Variants in WDFY1 observed in about 807,000 individuals in gnomAD.
The protein encoded by WDFY1 is WD repeat and FYVE domain containing 1, also known as WD repeat and FYVE domain-containing protein 1.
WDFY1 carries 32 observed loss-of-function variants against 56.4 expected under a neutral mutation model. The ratio of observed to expected loss-of-function variants is 0.57; its 90% CI spans 0.43 to 0.76. The LOEUF is 0.76. Among genes scored for constraint, WDFY1 ranks in the 30% least tolerant of loss-of-function variants. The pLI is 0.00. For synonymous variants in WDFY1, 192 were observed against 197.3 expected, an observed-to-expected ratio of 0.97 and a Z score of 0.23; for missense variants, 480 against 545.7, an observed-to-expected ratio of 0.88 and a Z score of 1.20.
At chr2:223,925,983 G>A (rs1350465645) in intron 1 of WDFY1, among the ~76,000 whole-genome samples, 1 of 152,098 alleles carries the variant, frequency 6.6e-6, no homozygotes, top group Non-Finnish European at 1.5e-5. Flanking sequence ...CATGAGGGCT[G>A]GAATCAACTT....
At chr2:223,938,736 C>T (rs1248664079) in intron 1 of WDFY1, among the ~76,000 whole-genome samples, 1 of 152,018 alleles carries the variant, frequency 6.6e-6, no homozygotes, top group Non-Finnish European at 1.5e-5. Context: ...GGAGTGCTGA[C>T]CGTATCTAGC....
At chr2:223,918,616 G>C (rs1316887257) in intron 1 of WDFY1, among the ~76,000 whole-genome samples, 1 of 140,180 alleles carries the variant, frequency 7.1e-6, no homozygotes, top group Admixed American at 7.4e-5. Context: ...GGGCTACAGA[G>C]TGAGACTCTG....
intron 1 of WDFY1, among the ~76,000 whole-genome samples, chr2:223,933,640 C>T (rs150411623): frequency 6.0e-4 from 91 of 151,670 alleles, no homozygotes; most frequent in Non-Finnish European, 1.1e-3. Flanking sequence ...GGCAACATAC[C>T]AATACCCTGT....
chr2:223,925,365 A>C (rs552615416), intron 1 of WDFY1, among the ~76,000 whole-genome samples: 1 of 152,338 alleles, frequency 6.6e-6, no homozygotes, highest in East Asian at 1.9e-4. Flanking sequence ...ATAGTCTGTT[A>C]AGTGTGCAGT....
Position 223,876,726 on chromosome 2 carries a change from G to C in WDFY1, c.*1945C>G, listed in dbSNP as rs1692979445. ...GTGATATTCCGTTCAATCTACCACA[G>C]ATGTCAAACGGTCACATTTTACAGA... On this transcript the variant is annotated 3_prime_UTR_variant, in exon 12 of 12. Coordinates refer to ENST00000233055, the MANE Select transcript of WDFY1 (RefSeq NM_020830.5). The C allele has an allele frequency of 6.6e-6, 1 of 152,290 alleles. No individual in the cohort carries two copies. Among genetic ancestry groups the C allele is most frequent in the East Asian group, 1.9e-4 (1 of 5,184 alleles). The allele number at this position is 152,290 out of a possible 1,614,324, so 9.4% of individuals were successfully genotyped here.
At chr2:223,942,239 A>G (rs1038798119) in intron 1 of WDFY1, among the ~76,000 whole-genome samples, 1 of 149,136 alleles carries the variant, frequency 6.7e-6, no homozygotes, top group African/African-American at 2.5e-5. Context: ...TTTTTTTTTG[A>G]TACGGAGTCT....
chr2:223,895,521 C>T lies in WDFY1; in HGVS notation c.708G>A (p.Leu236=). 1 of 1,614,014 alleles carries T rather than the reference C, an allele frequency of 6.2e-7. No homozygotes were observed. The highest frequency in any genetic ancestry group is 8.5e-7 in the Non-Finnish European group (1 of 1,179,952). The part of the protein sequence containing the change: ...WDIGGRKGRT[L]LLQGHHDKVQ... ...TCACGCACTGATGGCCCTGAAGTAACAGCGTCCGGCCTTTCCTTCCTCCGA... is the reference window on the plus strand; with the variant it reads ...TCACGCACTGATGGCCCTGAAGTAATAGCGTCCGGCCTTTCCTTCCTCCGA... Residue 236 remains leucine (L), a synonymous_variant, in exon 7 of 12, where the codon CTG becomes CTA. Transcript: ENST00000233055.
intron 8 of WDFY1, among the ~76,000 whole-genome samples, 197 bp from the exon 9 acceptor site, chr2:223,884,946 A>C (rs1157529636): frequency 2.7e-5 from 4 of 145,780 alleles, no homozygotes; most frequent in Non-Finnish European, 6.0e-5. Flanking sequence ...GATTCAAGTG[A>C]CTCTCCTGCC....
rs1359438241 is a variant in WDFY1, at chr2:223,877,497, T to G, written c.*1174A>C. ...TATTAAAAGACAGGCTCCTCATTTC[T>G]TCTCTTCCTCATCCTGGTACACAGT... On this transcript the variant is annotated 3_prime_UTR_variant, in exon 12 of 12. Transcript: ENST00000233055. The G allele has an allele frequency of 6.6e-6, 1 of 152,208 alleles. No individual in the cohort carries two copies. The highest frequency in any genetic ancestry group is 1.9e-4 in the East Asian group (1 of 5,198). The allele number at this position is 152,208 out of a possible 1,614,324, so 9.4% of individuals were successfully genotyped here.
intron 8 of WDFY1, among the ~76,000 whole-genome samples, chr2:223,888,531 A>C (rs1693209432): frequency 6.6e-6 from 1 of 151,916 alleles, no homozygotes; most frequent in East Asian, 1.9e-4. Flanking sequence ...CAAGTGATTC[A>C]ATTTCAAGCA....
intron 2 of WDFY1, among the ~76,000 whole-genome samples, chr2:223,913,783 C>A (rs1192866250): frequency 1.3e-5 from 2 of 151,730 alleles, no homozygotes; most frequent in African/African-American, 4.8e-5. Flanking sequence ...GTAAAAATTA[C>A]AAAGTGCTGG....
intron 1 of WDFY1, 94 bp from the exon 2 acceptor site, chr2:223,918,104 T>C: frequency 1.5e-6 from 2 of 1,343,350 alleles, no homozygotes; most frequent in Admixed American, 2.2e-5. Flanking sequence ...TGTTTAACAC[T>C]ATTTCCTAAC....
chr2:223,945,307 C>A lies in WDFY1; in HGVS notation c.-23G>T, dbSNP rs369823188. Reference sequence around the variant, plus strand: ...CATGTTCGCGCGGCGACTGCTGCGGCCTCCTCGGCAGGCAGCCCATCAGCT... The same window carrying A: ...CATGTTCGCGCGGCGACTGCTGCGGACTCCTCGGCAGGCAGCCCATCAGCT... On this transcript the variant is annotated 5_prime_UTR_variant, in exon 1 of 12. Transcript: ENST00000233055. The A allele has an allele frequency of 1.8e-5, 28 of 1,555,336 alleles. No homozygotes were observed. The highest frequency in any genetic ancestry group is 2.3e-5 in the Non-Finnish European group (27 of 1,159,198).
intron 1 of WDFY1, among the ~76,000 whole-genome samples, chr2:223,918,408 C>A (rs1574774250): frequency 6.6e-6 from 1 of 152,054 alleles, no homozygotes; most frequent in African/African-American, 2.4e-5. Context: ...GCAGGCGGAT[C>A]ACGAGGTCAG....
intron 8 of WDFY1, 112 bp from the exon 9 acceptor site, chr2:223,884,861 T>TCA: frequency 1.3e-6 from 1 of 780,634 alleles, no homozygotes; most frequent in African/African-American, 1.9e-5. Flanking sequence ...CTTTTCTTCT[T>TCA]TTTTTTTTTT....
intron 5 of WDFY1, among the ~76,000 whole-genome samples, chr2:223,899,897 C>T (rs1479814713): frequency 6.6e-6 from 1 of 152,118 alleles, no homozygotes; most frequent in Non-Finnish European, 1.5e-5. Flanking sequence ...ATCCATGTTT[C>T]TTTTGGCCTA....
At chr2:223,900,439 G>GTGTC (rs1693487004) in intron 5 of WDFY1, among the ~76,000 whole-genome samples, 1 of 152,210 alleles carries the variant, frequency 6.6e-6, no homozygotes, top group African/African-American at 2.4e-5. Flanking sequence ...CTACTGCGGG[G>GTGTC]TGTCTGCCTG....
intron 1 of WDFY1, among the ~76,000 whole-genome samples, chr2:223,944,574 G>A (rs567194085): frequency 4.9e-4 from 75 of 151,546 alleles, no homozygotes; most frequent in Non-Finnish European, 9.6e-4. Flanking sequence ...GGGCGCACTG[G>A]AACCGGGGTC....
chr2:223,916,456 C>T (rs1157469732), intron 2 of WDFY1, among the ~76,000 whole-genome samples: 2 of 152,210 alleles, frequency 1.3e-5, no homozygotes, highest in African/African-American at 4.8e-5. Context: ...GTCAAGAGCT[C>T]TTCTTTGGAA....
Sources: allele counts gnomAD v4.1 joint callset (sites outside exome capture counted in the v4.1 genomes callset), GRCh38; gene constraint gnomAD v4.1.1; transcripts MANE v1.5; gene names NCBI Gene and HGNC (gene_info 2026-07-23, HGNC 2026-07-21).